Variants in CIMIP7 observed in about 807,000 individuals in gnomAD.
CIMIP7 encodes the protein uncharacterized protein C3orf84.
the CIMIP7 span, among the ~76,000 whole-genome samples, chr3:49,182,286 C>T: frequency 6.6e-6 from 1 of 151,504 alleles, no homozygotes; most frequent in Non-Finnish European, 1.5e-5. Flanking sequence ...TGGTAGAGCC[C>T]AGTAGTCTGT....
the CIMIP7 span, among the ~76,000 whole-genome samples, chr3:49,182,407 G>C: frequency 6.6e-6 from 1 of 152,038 alleles, no homozygotes; most frequent in South Asian, 2.1e-4. Context: ...GGTTCTCCAA[G>C]TCCCCCACCA....
the CIMIP7 span, among the ~76,000 whole-genome samples, chr3:49,190,902 C>A: frequency 6.6e-6 from 1 of 151,916 alleles, no homozygotes; most frequent in East Asian, 1.9e-4. Flanking sequence ...CTCCTGACCT[C>A]GTGATCTGCC....
the CIMIP7 span, chr3:49,178,065 A>G: frequency 4.3e-4 from 676 of 1,569,526 alleles, 15 homozygotes; most frequent in South Asian, 6.4e-3. Context: ...CCTCAACGGT[A>G]TGGGCCCTTG....
At chr3:49,185,288 A>G in the CIMIP7 span, among the ~76,000 whole-genome samples, 1 of 151,448 alleles carries the variant, frequency 6.6e-6, no homozygotes, top group African/African-American at 2.4e-5. Flanking sequence ...ACATAGACCA[A>G]GCAGGGTGGC....
At chr3:49,188,481 AAAAG>A in the CIMIP7 span, among the ~76,000 whole-genome samples, 3 of 152,158 alleles carry the variant, frequency 2.0e-5, no homozygotes, top group African/African-American at 7.2e-5. Flanking sequence ...GACATGGAGG[AAAAG>A]AGAGAGGAGG....
At chr3:49,181,558 T>C in the CIMIP7 span, among the ~76,000 whole-genome samples, 1 of 152,066 alleles carries the variant, frequency 6.6e-6, no homozygotes, top group Non-Finnish European at 1.5e-5. Context: ...CTAGGAAAGC[T>C]GAAGTGGAAG....
At chr3:49,188,966 T>G in the CIMIP7 span, among the ~76,000 whole-genome samples, 1 of 143,870 alleles carries the variant, frequency 7.0e-6, no homozygotes, top group African/African-American at 2.6e-5. Context: ...GCCCGGTTAT[T>G]TTTTTTTTTT....
At chr3:49,188,064 G>A in the CIMIP7 span, among the ~76,000 whole-genome samples, 6 of 152,218 alleles carry the variant, frequency 3.9e-5, no homozygotes, top group African/African-American at 1.4e-4. Flanking sequence ...CATACAGCAG[G>A]AAGTCTCTGT....
the CIMIP7 span, chr3:49,190,075 G>T: frequency 1.2e-6 from 2 of 1,612,874 alleles, no homozygotes; most frequent in Non-Finnish European, 1.7e-6. Flanking sequence ...GCTGCAAGGT[G>T]GTATTCTCTA....
chr3:49,178,452 C>T, the CIMIP7 span: 4 of 1,607,978 alleles, frequency 2.5e-6, no homozygotes, highest in South Asian at 1.1e-5. Context: ...TGGGGGACTG[C>T]CTGCCATTCT....
At chr3:49,190,065 G>T in the CIMIP7 span, 1 of 1,613,324 alleles carries the variant, frequency 6.2e-7, no homozygotes. Flanking sequence ...CTGGGGCTTG[G>T]CTGCAAGGTG....
chr3:49,188,727 A>T, the CIMIP7 span, among the ~76,000 whole-genome samples: 26 of 152,246 alleles, frequency 1.7e-4, no homozygotes, highest in African/African-American at 6.0e-4. Flanking sequence ...TTTTGTAAAC[A>T]TACCCTTCCG....
At chr3:49,180,181 C>A in the CIMIP7 span, among the ~76,000 whole-genome samples, 1,741 of 152,190 alleles carry the variant, frequency 0.011, 27 homozygotes, top group South Asian at 0.012. Flanking sequence ...GAGGCTGAAG[C>A]AGGAGAATTG....
At chr3:49,178,513 G>C in the CIMIP7 span, 1 of 1,613,674 alleles carries the variant, frequency 6.2e-7, no homozygotes, top group Non-Finnish European at 8.5e-7. Context: ...GTCGTGCTTG[G>C]AGAAGAAGTG....
the CIMIP7 span, among the ~76,000 whole-genome samples, chr3:49,182,925 A>G: frequency 3.9e-5 from 6 of 152,188 alleles, no homozygotes; most frequent in Non-Finnish European, 7.3e-5. Flanking sequence ...CAGCCCGCTG[A>G]GCCCATGCCC....
chr3:49,186,069 C>T, the CIMIP7 span, among the ~76,000 whole-genome samples: 8 of 150,334 alleles, frequency 5.3e-5, no homozygotes, highest in Admixed American at 1.3e-4. Context: ...GGCGCAATCT[C>T]GGCTCACCAC....
At chr3:49,188,647 C>T in the CIMIP7 span, among the ~76,000 whole-genome samples, 5 of 152,136 alleles carry the variant, frequency 3.3e-5, no homozygotes, top group Admixed American at 2.0e-4. Flanking sequence ...CCTTTGGGCT[C>T]AGTAGTACTA....
chr3:49,190,272 G>A, the CIMIP7 span: 1 of 613,560 alleles, frequency 1.6e-6, no homozygotes, highest in East Asian at 2.9e-5. Flanking sequence ...AGAATAGAAA[G>A]AATCTAAGGA....
chr3:49,188,628 C>G, the CIMIP7 span, among the ~76,000 whole-genome samples: 6 of 152,118 alleles, frequency 3.9e-5, no homozygotes, highest in Non-Finnish European at 7.4e-5. Context: ...CATGCCTCCC[C>G]CTTGTCCCCC....
Sources: gnomAD v4.1 joint callset for allele counts (sites outside exome capture counted in the v4.1 genomes callset) on GRCh38, gnomAD v4.1.1 for gene constraint, MANE v1.5 for transcripts, NCBI Gene and HGNC (gene_info 2026-07-23, HGNC 2026-07-21) for gene names.